NR2E1: variants seen among roughly 807,000 people sequenced by gnomAD.
NR2E1 encodes the protein nuclear receptor subfamily 2 group E member 1, also known as nuclear receptor TLX.
A neutral mutation model predicts 43.6 loss-of-function variants in NR2E1; 5 were observed. The ratio of observed to expected loss-of-function variants is 0.11; its 90% CI spans 0.06 to 0.24. The LOEUF (loss-of-function observed/expected upper bound fraction) is 0.24. Among genes scored for constraint, NR2E1 ranks in the 10% least tolerant of loss-of-function variants. NR2E1 has a pLI of 1.00. For missense variants in NR2E1, 287 were observed against 496.7 expected (o/e 0.58, Z 4.01); for synonymous variants, 191 against 195.5 (o/e 0.98, Z 0.19).
chr6:108,181,066 A>G, intron 7 of NR2E1, 110 bp downstream of exon 7: 2 of 1,166,414 alleles, frequency 1.7e-6, no homozygotes, highest in East Asian at 2.3e-5. Flanking sequence ...GATGGTTTTC[A>G]AGGGAGCTGA....
intron 1 of NR2E1, chr6:108,168,177 A>G (rs1773743763): frequency 3.2e-6 from 5 of 1,568,758 alleles, no homozygotes; most frequent in Non-Finnish European, 4.3e-6. Context: ...AGCGACCTCG[A>G]TTTTTGTTGC....
chr6:108,181,157 C>A (rs1773978938), intron 7 of NR2E1, among the ~76,000 whole-genome samples: 1 of 152,064 alleles, frequency 6.6e-6, no homozygotes, highest in Non-Finnish European at 1.5e-5. Context: ...GAGGTGCATT[C>A]CCAGACCCAA....
intron 5 of NR2E1, chr6:108,178,925 T>G (rs1418158472): frequency 6.5e-6 from 1 of 152,690 alleles, no homozygotes; most frequent in Non-Finnish European, 1.5e-5. Flanking sequence ...ATTTTGTTGA[T>G]AGGAATATTA....
intron 1 of NR2E1, among the ~76,000 whole-genome samples, chr6:108,170,663 G>C (rs776478257): frequency 6.6e-5 from 10 of 152,166 alleles, no homozygotes; most frequent in Non-Finnish European, 1.5e-4. Context: ...ATCCACACAG[G>C]ACCAAGTGTG....
At position 108,186,196 on chromosome 6, in the gene NR2E1, T is replaced by A. The variant is rs772073995; in HGVS notation, c.996-1105T>A. Among the ~76,000 whole-genome samples the A allele has an allele frequency of 3.2e-4, 48 of 152,154 alleles. No individual in the cohort carries two copies. In the Middle Eastern group the frequency reaches 0.017, roughly 54 times the overall value. ...ACCATTTCCACACCACACTACTAGA[T>A]GTGGTCTGGTGGCCCCTATCTGCAG... On this transcript the variant is annotated intron_variant, in intron 8 of 8. Coordinates refer to ENST00000368986, the MANE Select transcript of NR2E1 (RefSeq NM_003269.5).
At chr6:108,182,852 C>T (rs1472977310) in intron 8 of NR2E1, among the ~76,000 whole-genome samples, 3 of 151,868 alleles carry the variant, frequency 2.0e-5, no homozygotes, top group East Asian at 2.0e-4. Flanking sequence ...CCACCATGCC[C>T]GGCACACCCA....
rs1480911667 is a variant in NR2E1, at chr6:108,180,129, AT to A, written c.643-193del. 2.0e-5 allele frequency among the ~76,000 whole-genome samples: 3 copies of A among 152,204 alleles called. No individual in the cohort carries two copies. Among genetic ancestry groups the A allele is most frequent in the African/African-American group, 7.2e-5 (3 of 41,452 alleles). On this transcript the variant is annotated intron_variant, in intron 5 of 8. Coordinates refer to ENST00000368986, the MANE Select transcript of NR2E1 (RefSeq NM_003269.5). The surrounding 1 kb of genome is among the most constrained non-coding windows in gnomAD (Gnocchi z 5.4). Reference sequence around the variant, plus strand: ...GAGAATTGGAATGGCTGACTCTCAAATCCATATGCATATCTATAGGCACCTT... The same window carrying A: ...GAGAATTGGAATGGCTGACTCTCAAACCATATGCATATCTATAGGCACCTT...
Position 108,180,797 on chromosome 6 carries a change from T to A in NR2E1, c.740-10T>A. On this transcript the variant is annotated splice_polypyrimidine_tract_variant and intron_variant, in intron 6 of 8. Transcript: ENST00000368986. This position sits in a 1 kb window ranked among gnomAD's most constrained non-coding sequence, Gnocchi z 5.4. ...CATATTAGAGTATTTATCCCATATT[T>A]TTATTCTAGGCATGAACGGTGACAA... is the stretch of plus-strand genomic sequence containing the variant. 1 of 1,613,484 alleles carries A rather than the reference T, an allele frequency of 6.2e-7. No homozygotes were observed. The highest frequency in any genetic ancestry group is 8.5e-7 in the Non-Finnish European group (1 of 1,179,406).
chr6:108,173,640 A>C (rs1044541453), intron 2 of NR2E1, among the ~76,000 whole-genome samples: 7 of 152,374 alleles, frequency 4.6e-5, no homozygotes, highest in African/African-American at 1.7e-4. Context: ...ACTCCAGAGT[A>C]TATGAATTTT....
At position 108,166,215 on chromosome 6, in the gene NR2E1, C is replaced by T. The variant is rs1045364872; in HGVS notation, c.-551C>T. On this transcript the variant is annotated 5_prime_UTR_variant, in exon 1 of 9. Coordinates refer to ENST00000368986, the MANE Select transcript of NR2E1 (RefSeq NM_003269.5). This position sits in a 1 kb window ranked among gnomAD's most constrained non-coding sequence, Gnocchi z 7.2. ...ATTTCCCAGCAATCTAGTTTTCCCACTCTGCGCTTGGGTTCCGGCAGCGCG... is the reference window on the plus strand; with the variant it reads ...ATTTCCCAGCAATCTAGTTTTCCCATTCTGCGCTTGGGTTCCGGCAGCGCG... 1.3e-5 allele frequency: 2 copies of T among 152,716 alleles called. No homozygotes were observed. Among genetic ancestry groups the T allele is most frequent in the African/African-American group, 4.8e-5 (2 of 41,474 alleles). The allele number at this position is 152,716 out of a possible 1,614,324, so 9.5% of individuals were successfully genotyped here.
chr6:108,187,562 C>T lies in NR2E1; in HGVS notation c.*99C>T, dbSNP rs547085495. ...TAACAAACCCTTCAGGAAGCATATACCGGGGAATGTGTAGCCTTCAGGAAA... is the reference window on the plus strand; with the variant it reads ...TAACAAACCCTTCAGGAAGCATATATCGGGGAATGTGTAGCCTTCAGGAAA... On this transcript the variant is annotated 3_prime_UTR_variant, in exon 9 of 9. Coordinates refer to ENST00000368986, the MANE Select transcript of NR2E1 (RefSeq NM_003269.5). 3 of 1,338,836 alleles carry T rather than the reference C, an allele frequency of 2.2e-6. No homozygotes were observed. The highest frequency in any genetic ancestry group is 4.6e-5 in the East Asian group (2 of 43,534). 82.9% of individuals were successfully genotyped at this position (1,338,836 alleles called of 1,614,324 possible). A position where few individuals can be genotyped will look rare whatever the true frequency, so the allele number is the denominator to read the frequency against.
In NR2E1 at chr6:108,166,781, G is replaced by C; in HGVS notation, c.16G>C (p.Gly6Arg). 6.3e-7 allele frequency: 1 copy of C among 1,591,386 alleles called. No homozygotes were observed. The highest frequency in any genetic ancestry group is 8.5e-7 in the Non-Finnish European group (1 of 1,172,566). The change falls in exon 1 of 9, where the codon GGA (glycine) becomes CGA (arginine). Residue 6 changes from glycine (G) to arginine (R), a missense_variant. Physicochemically the swap from Gly to Arg is moderately radical, Grantham distance 125 (BLOSUM62 -2). Coordinates refer to ENST00000368986, the MANE Select transcript of NR2E1 (RefSeq NM_003269.5). This position sits in a 1 kb window ranked among gnomAD's most constrained non-coding sequence, Gnocchi z 7.2. ...GACAGCCAGCATGAGCAAGCCAGCC[G>C]GATCAACAAGTGGGTACCTCTCGGG... MSKPAGSTSRILDIPC... is the reference protein window; with the variant it reads MSKPARSTSRILDIPC...
rs1021134806 is a variant in NR2E1 at position 108,169,238 on chromosome 6, G to C, written c.26-2220G>C. 6.6e-6 allele frequency among the ~76,000 whole-genome samples: 1 copy of C among 152,182 alleles called. No individual in the cohort carries two copies. Among genetic ancestry groups the C allele is most frequent in the Non-Finnish European group, 1.5e-5 (1 of 68,026 alleles). On this transcript the variant is annotated intron_variant, in intron 1 of 8. Transcript: ENST00000368986. The surrounding 1 kb of genome is among the most constrained non-coding windows in gnomAD (Gnocchi z 6.1). ...CAGCCCGGTTGCCTGTTTCTAATCT[G>C]CCCCGGGAGCCGCGGCTCAGAGGTC...
At chr6:108,177,915 A>T (rs140560015) in intron 4 of NR2E1, among the ~76,000 whole-genome samples, 180 bp from the exon 5 acceptor site, 49 of 152,346 alleles carry the variant, frequency 3.2e-4, no homozygotes, top group African/African-American at 1.1e-3. Context: ...ATTACTTTTC[A>T]AACTCTATAG....
intron 8 of NR2E1, 100 bp downstream of exon 8, chr6:108,181,751 ATC>A: frequency 1.1e-6 from 1 of 883,832 alleles, no homozygotes; most frequent in Non-Finnish European, 1.9e-6. Flanking sequence ...GTGACTAATT[ATC>A]TTGTTGCCAG....
Position 108,176,609 on chromosome 6 carries a change from G to C in NR2E1, c.366G>C (p.Ser122=). ...EENGAAAHFP[S]AALPAPAFFT... ...ACGGGGCCGCCGCGCACTTTCCCTC[G>C]GCGGCGCTCCCTGCGCCGGCCTTCT... The change falls in exon 4 of 9, where the codon TCG becomes TCC. Residue 122 remains serine, a synonymous_variant. Coordinates refer to ENST00000368986, the MANE Select transcript of NR2E1 (RefSeq NM_003269.5). 1.2e-6 allele frequency: 2 copies of C among 1,612,278 alleles called. No individual in the cohort carries two copies. The highest frequency in any genetic ancestry group is 1.7e-6 in the Non-Finnish European group (2 of 1,179,814).
rs758833260 is a variant in NR2E1 at position 108,181,557 on chromosome 6, A to G, written c.901A>G (p.Ser301Gly). 1 of 1,613,358 alleles carries G rather than the reference A, an allele frequency of 6.2e-7. No individual in the cohort carries two copies. Among genetic ancestry groups the G allele is most frequent in the Non-Finnish European group, 8.5e-7 (1 of 1,179,320 alleles). The part of the protein sequence containing the change: ...IVTFKAVPTH[S>G]GSELRSFRNA... ...GTCTTCATTTCTAGTTCCTACACAT[A>G]GTGGTTCTGAACTGAGAAGTTTCCG... Residue 301 changes from serine (S) to glycine (G), a missense_variant, in exon 8 of 9, where the codon AGT becomes GGT. This residue lies in a region of NR2E1 where 119 missense variants were observed against 187.0 expected (regional missense o/e 0.64). Transcript: ENST00000368986.
intron 3 of NR2E1, 147 bp from the exon 4 acceptor site, chr6:108,176,356 C>T (rs1773896871): frequency 1.5e-6 from 1 of 680,544 alleles, no homozygotes; most frequent in Non-Finnish European, 2.6e-6. Context: ...CTTCCTCCCT[C>T]AGATTCCCTC....
chr6:108,175,834 C>T (rs1288689963), intron 3 of NR2E1, among the ~76,000 whole-genome samples: 2 of 152,252 alleles, frequency 1.3e-5, no homozygotes, highest in Non-Finnish European at 2.9e-5. Flanking sequence ...TGTGTATTGA[C>T]AAGTTGTCAA....
Sources: allele counts gnomAD v4.1 joint callset (sites outside exome capture counted in the v4.1 genomes callset), GRCh38; gene constraint gnomAD v4.1.1; regional missense constraint gnomAD v4.1.1; non-coding constraint Gnocchi (gnomAD v3.1); transcripts MANE v1.5; gene names NCBI Gene and HGNC (gene_info 2026-07-23, HGNC 2026-07-21).